CSMD1: variants seen among roughly 807,000 people sequenced by gnomAD.
CSMD1 encodes the protein CUB and sushi domain-containing protein 1.
CSMD1 carries 213 observed loss-of-function variants against 417.5 expected under a neutral mutation model. That is an observed-to-expected ratio of 0.51 (90% CI 0.46 to 0.57). The LOEUF (loss-of-function observed/expected upper bound fraction) is 0.57. CSMD1 is among the 20% of genes least tolerant of loss of function. The pLI is 0.00. For synonymous variants in CSMD1, 2,862 were observed against 1,736.8 expected (o/e 1.65, Z -16.11); for missense variants, 6,923 against 4,529.7 (o/e 1.53, Z -15.17).
At chr8:3,452,480 A>G (rs1030309612) in intron 12 of CSMD1, among the ~76,000 whole-genome samples, 4 of 152,138 alleles carry the variant, frequency 2.6e-5, no homozygotes, top group Admixed American at 6.5e-5. Flanking sequence ...TATTATTTTG[A>G]CATACATCCC....
chr8:4,322,639 A>G (rs1799335361), intron 3 of CSMD1, among the ~76,000 whole-genome samples: 3 of 152,178 alleles, frequency 2.0e-5, no homozygotes, highest in Non-Finnish European at 4.4e-5. Context: ...TTTGAGAAAA[A>G]TCTAAGAATA....
In CSMD1 at chr8:3,933,461, A is replaced by ACT. The variant is rs796698059; in HGVS notation, c.818+64440_818+64441dup. Among the ~76,000 whole-genome samples the ACT allele has an allele frequency of 9.6e-3, 1,456 of 152,064 alleles. 24 individuals are homozygous for ACT. Among genetic ancestry groups the ACT allele is most frequent in the African/African-American group, 0.033 (1,356 of 41,476 alleles). ...CTAAGCATTTCCCGCCTACATCTTC[A>ACT]CTCCCACCCACTCAACCCCTTTCAG... On this transcript the variant is annotated intron_variant, in intron 5 of 69. Transcript: ENST00000635120.
chr8:3,264,688 T>C (rs1801308232), intron 26 of CSMD1, among the ~76,000 whole-genome samples: 1 of 152,184 alleles, frequency 6.6e-6, no homozygotes, highest in Non-Finnish European at 1.5e-5. Flanking sequence ...AAAAAGAGTA[T>C]TGTGTCCTAA....
intron 1 of CSMD1, among the ~76,000 whole-genome samples, chr8:4,821,488 A>G (rs540908397): frequency 1.1e-4 from 16 of 152,306 alleles, no homozygotes; most frequent in African/African-American, 3.1e-4. Flanking sequence ...CTTTTCTCAT[A>G]TTTCATGCAC....
chr8:4,097,151 T>A (rs956127419), intron 3 of CSMD1, among the ~76,000 whole-genome samples: 40 of 152,316 alleles, frequency 2.6e-4, no homozygotes, highest in Middle Eastern at 3.4e-3. Flanking sequence ...TTCATTTCTT[T>A]CTGTCATGCT....
Position 4,077,295 on chromosome 8 carries a change from G to GTATATATATATATATATATATATATA in CSMD1, c.416-45197_416-45196insTATATATATATATATATATATATATA, listed in dbSNP as rs1253192594. 5.5e-4 allele frequency among the ~76,000 whole-genome samples: 49 copies of GTATATATATATATATATATATATATA among 88,908 alleles called. 1 individual carries two copies. The highest frequency in any genetic ancestry group is 6.1e-4 in the Non-Finnish European group (26 of 42,732). 58.3% of individuals were successfully genotyped at this position (88,908 alleles called of 152,430 possible). On this transcript the variant is annotated intron_variant, in intron 3 of 69. Coordinates refer to ENST00000635120, the MANE Select transcript of CSMD1 (RefSeq NM_033225.6). ...ATTTGTCACCTATATATATATATAT[G>GTATATATATATATATATATATATATA]TGTATATATATATATATATATATAT...
intron 3 of CSMD1, among the ~76,000 whole-genome samples, chr8:4,136,195 T>C (rs369349020): frequency 3.3e-5 from 5 of 152,316 alleles, no homozygotes; most frequent in African/African-American, 1.2e-4. Context: ...AGAACAGCTA[T>C]GTGAACACAA....
At chr8:3,206,835 G>A (rs1314221584) in intron 30 of CSMD1, among the ~76,000 whole-genome samples, 1 of 152,152 alleles carries the variant, frequency 6.6e-6, no homozygotes, top group African/African-American at 2.4e-5. Context: ...CATCATGGAA[G>A]AGACCTCCAA....
chr8:3,945,077 G>T lies in CSMD1; in HGVS notation c.818+52826C>A, dbSNP rs759328078. On this transcript the variant is annotated intron_variant, in intron 5 of 69. Transcript: ENST00000635120. ...AATCCCTCATTTTATAAATGTTTAA[G>T]ACAATGTGAACAGGCTGACCCCAGA... Among the ~76,000 whole-genome samples the T allele has an allele frequency of 2.7e-5, 4 of 149,580 alleles. No homozygotes were observed. The East Asian group carries it at 5.9e-4, about 22-fold the overall frequency.
intron 3 of CSMD1, among the ~76,000 whole-genome samples, chr8:4,151,113 G>C (rs908960839): frequency 6.6e-6 from 1 of 152,144 alleles, no homozygotes; most frequent in African/African-American, 2.4e-5. Flanking sequence ...CCCAGCAGAA[G>C]ATATTAGGAT....
At chr8:4,728,234 A>C (rs956572919) in intron 1 of CSMD1, among the ~76,000 whole-genome samples, 1 of 149,494 alleles carries the variant, frequency 6.7e-6, no homozygotes, top group African/African-American at 2.4e-5. Context: ...GTGTGATCCT[A>C]CACCTAATGA....
intron 1 of CSMD1, chr8:4,788,483 G>C (rs141914840): frequency 6.0e-5 from 79 of 1,321,934 alleles, no homozygotes; most frequent in East Asian, 4.8e-4. Context: ...TCAGATATTT[G>C]GGGTAGACAA....
At chr8:3,570,448 C>T (rs1174327793) in intron 10 of CSMD1, among the ~76,000 whole-genome samples, 1 of 152,096 alleles carries the variant, frequency 6.6e-6, no homozygotes, top group Non-Finnish European at 1.5e-5. Flanking sequence ...ATATGTCTTC[C>T]ATCTCTAGCC....
At chr8:4,325,016 AGT>A (rs1488736240) in intron 3 of CSMD1, among the ~76,000 whole-genome samples, 1 of 152,110 alleles carries the variant, frequency 6.6e-6, no homozygotes, top group Non-Finnish European at 1.5e-5. Flanking sequence ...TCACTCATTG[AGT>A]GAGTGCTGCA....
intron 29 of CSMD1, among the ~76,000 whole-genome samples, chr8:3,216,700 C>G (rs767561523): frequency 6.6e-6 from 1 of 152,234 alleles, no homozygotes; most frequent in Non-Finnish European, 1.5e-5. Flanking sequence ...AACTAGATGA[C>G]TTCATAACAG....
intron 7 of CSMD1, chr8:3,700,720 A>C (rs1034117407): frequency 3.3e-5 from 5 of 152,202 alleles, no homozygotes; most frequent in Non-Finnish European, 7.3e-5. Flanking sequence ...AGAGGAGAGC[A>C]AAGTCCCTGG....
intron 22 of CSMD1, among the ~76,000 whole-genome samples, chr8:3,346,892 T>TGTTC (rs1193950002): frequency 6.6e-6 from 1 of 152,244 alleles, no homozygotes; most frequent in Non-Finnish European, 1.5e-5. Context: ...AAGAGCCACG[T>TGTTC]GTTCCTTTCT....
rs554785504 is a variant in CSMD1, at chr8:2,995,741, G to A, written c.8377+2270C>T. Reference sequence around the variant, plus strand: ...AAAAAGGGACTGAATTATTGACACAGGCCACAACTTGGATGAATCTCCGGA... The same window carrying A: ...AAAAAGGGACTGAATTATTGACACAAGCCACAACTTGGATGAATCTCCGGA... On this transcript the variant is annotated intron_variant, in intron 54 of 69. Coordinates refer to ENST00000635120, the MANE Select transcript of CSMD1 (RefSeq NM_033225.6). Among the ~76,000 whole-genome samples, 20 of 152,228 alleles carry A rather than the reference G, an allele frequency of 1.3e-4. No homozygotes were observed. In the South Asian group the frequency reaches 3.9e-3, roughly 30 times the overall value.
chr8:4,446,571 G>A (rs111767561), intron 2 of CSMD1, among the ~76,000 whole-genome samples: 1 of 152,066 alleles, frequency 6.6e-6, no homozygotes, highest in African/African-American at 2.4e-5. Flanking sequence ...TTGTTGTGGG[G>A]AAGATGGAGT....
Sources: gnomAD v4.1 joint callset for allele counts (sites outside exome capture counted in the v4.1 genomes callset) on GRCh38, gnomAD v4.1.1 for gene constraint, MANE v1.5 for transcripts, NCBI Gene and HGNC (gene_info 2026-07-23, HGNC 2026-07-21) for gene names.